Variants in MOB4 observed in about 807,000 individuals in gnomAD.
MOB4 encodes the protein MOB-like protein phocein.
In MOB4, 4 loss-of-function variants were observed where a neutral mutation model predicts 32.2. That is an observed-to-expected ratio of 0.12 (90% CI 0.06 to 0.28). The LOEUF (loss-of-function observed/expected upper bound fraction) is 0.28, where lower values mean the gene tolerates loss of function less well. Ranked by LOEUF, MOB4 falls within the 10% of genes least tolerant of loss-of-function variation. MOB4 has a pLI of 1.00. For missense variants in MOB4, 158 were observed against 271.2 expected (o/e 0.58, Z 2.93); for synonymous variants, 88 against 88.1 (o/e 1.00, Z 0.01).
rs1043558836 is a variant in MOB4, at chr2:197,535,571, C to G, written c.165C>G (p.Asp55Glu). 6.2e-6 allele frequency: 10 copies of G among 1,612,790 alleles called. No individual in the cohort carries two copies. The East Asian group carries it at 2.2e-4, about 36-fold the overall frequency. ...TAAGAGCAGATTGCTCCAATATTGACAAAATTCTTGAACCACCTGAAGGCC... is the reference window on the plus strand; with the variant it reads ...TAAGAGCAGATTGCTCCAATATTGAGAAAATTCTTGAACCACCTGAAGGCC... The part of the protein sequence containing the change: ...QNIRADCSNI[D>E]KILEPPEGQD... Residue 55 changes from aspartate (D) to glutamate (E), a missense_variant, in exon 3 of 8, where the codon GAC (aspartate) becomes GAG (glutamate). Physicochemically the swap from Asp to Glu is conservative, Grantham distance 45. Around this residue, in one of 6 missense-constraint regions of MOB4, gnomAD observed 25 missense variants for 70.9 expected, o/e 0.35. Coordinates refer to ENST00000323303, the MANE Select transcript of MOB4 (RefSeq NM_015387.5).
rs889056934 is a variant in MOB4, at chr2:197,522,520, G to A, written c.61-1104G>A. ...TATTTTTTGTATTTTTAGTAGAGAC[G>A]GGGTTTCATCATGTTGGCCAGGCTG... On this transcript the variant is annotated intron_variant, in intron 1 of 7. Transcript: ENST00000323303. Among the ~76,000 whole-genome samples the A allele has an allele frequency of 5.3e-5, 8 of 150,486 alleles. No individual in the cohort carries two copies. In the East Asian group the frequency reaches 9.8e-4, roughly 18 times the overall value.
At position 197,540,145 on chromosome 2, in the gene MOB4, A is replaced by G; in HGVS notation, c.259A>G (p.Lys87Glu). The change falls in exon 4 of 8, where the codon AAA (lysine) becomes GAA (glutamate). Residue 87 changes from lysine to glutamate, a missense_variant. This residue lies in a region of MOB4 where 21 missense variants were observed against 19.8 expected (regional missense o/e 1.06). Transcript: ENST00000323303. ...FCLELNGLAV[K>E]LQSECHPDTC... ...CCTTGAGCTAAATGGACTTGCTGTC[A>G]AACTTCAGGTAATATTTTCTTTAAG... 6.2e-7 allele frequency: 1 copy of G among 1,605,676 alleles called. No homozygotes were observed. Among genetic ancestry groups the G allele is most frequent in the Non-Finnish European group, 8.5e-7 (1 of 1,175,740 alleles).
At chr2:197,540,823 G>T (rs1341889141) in intron 5 of MOB4, among the ~76,000 whole-genome samples, 2 of 152,092 alleles carry the variant, frequency 1.3e-5, no homozygotes, top group South Asian at 2.1e-4. Context: ...TTACTTTTGA[G>T]CTTTTAAATA....
At chr2:197,535,690 G>T in intron 3 of MOB4, 60 bp downstream of exon 3, 1 of 1,536,998 alleles carries the variant, frequency 6.5e-7, no homozygotes, top group Non-Finnish European at 8.8e-7. Flanking sequence ...TCATATTAAT[G>T]ATAATTATGA....
intron 1 of MOB4, among the ~76,000 whole-genome samples, chr2:197,518,200 A>AG (rs1200286074): frequency 6.6e-6 from 1 of 152,140 alleles, no homozygotes; most frequent in Non-Finnish European, 1.5e-5. Flanking sequence ...CATTAAAAAA[A>AG]AAGTTGGTTA....
chr2:197,523,609 A>C lies in MOB4; in HGVS notation c.61-15A>C. Reference sequence around the variant, plus strand: ...GTATTTTGTATGTGCTTTAACCGTGAATTTATTTTTATAGGATTTCTATAA... The same window carrying C: ...GTATTTTGTATGTGCTTTAACCGTGCATTTATTTTTATAGGATTTCTATAA... On this transcript the variant is annotated splice_polypyrimidine_tract_variant and intron_variant, in intron 1 of 7. Coordinates refer to ENST00000323303, the MANE Select transcript of MOB4 (RefSeq NM_015387.5). The C allele has an allele frequency of 6.2e-7, 1 of 1,606,990 alleles. No individual in the cohort carries two copies. The highest frequency in any genetic ancestry group is 8.5e-7 in the Non-Finnish European group (1 of 1,177,868).
At chr2:197,545,099 G>T (rs1489468595) in intron 5 of MOB4, among the ~76,000 whole-genome samples, 2 of 152,122 alleles carry the variant, frequency 1.3e-5, no homozygotes, top group African/African-American at 4.8e-5. Flanking sequence ...ACTTGTACAT[G>T]AATATTCACA....
In MOB4 at chr2:197,535,772, A is replaced by G. The variant is rs1186693731; in HGVS notation, c.224+142A>G. Reference sequence around the variant, plus strand: ...AAGCTTTGGCATTTTCAGTGTCACAAGGTTCTCAGCTTTCTTCACTGGTTG... The same window carrying G: ...AAGCTTTGGCATTTTCAGTGTCACAGGGTTCTCAGCTTTCTTCACTGGTTG... On this transcript the variant is annotated intron_variant, in intron 3 of 7. Coordinates refer to ENST00000323303, the MANE Select transcript of MOB4 (RefSeq NM_015387.5). 5 of 866,366 alleles carry G rather than the reference A, an allele frequency of 5.8e-6. No homozygotes were observed. In the East Asian group the frequency reaches 8.4e-5, roughly 15 times the overall value. 53.7% of individuals were successfully genotyped at this position (866,366 alleles called of 1,614,324 possible).
At chr2:197,545,324 A>G (rs2086974990) in intron 5 of MOB4, among the ~76,000 whole-genome samples, 1 of 152,340 alleles carries the variant, frequency 6.6e-6, no homozygotes, top group Admixed American at 6.5e-5. Flanking sequence ...TATACTTTAA[A>G]TCATCTCTAG....
intron 3 of MOB4, among the ~76,000 whole-genome samples, chr2:197,538,701 T>TA (rs1405846132): frequency 6.6e-6 from 1 of 152,164 alleles, no homozygotes; most frequent in East Asian, 1.9e-4. Flanking sequence ...TGCCACAGAT[T>TA]ATACCCACAG....
chr2:197,552,272 A>G lies in MOB4; in HGVS notation c.*1626A>G, dbSNP rs1187971219. ...TGAAAGGAATGATGACTTTGAAATT[A>G]TGGATTTATATTAATGGCACTATAA... On this transcript the variant is annotated 3_prime_UTR_variant, in exon 8 of 8. Coordinates refer to ENST00000323303, the MANE Select transcript of MOB4 (RefSeq NM_015387.5). 6.6e-6 allele frequency: 1 copy of G among 152,346 alleles called. No homozygotes were observed. Among genetic ancestry groups the G allele is most frequent in the African/African-American group, 2.4e-5 (1 of 41,454 alleles). The allele number at this position is 152,346 out of a possible 1,614,324, so 9.4% of individuals were successfully genotyped here.
intron 1 of MOB4, among the ~76,000 whole-genome samples, chr2:197,520,289 C>G (rs1229691714): frequency 6.6e-6 from 1 of 151,800 alleles, no homozygotes; most frequent in African/African-American, 2.4e-5. Context: ...TTTGCGCCCA[C>G]CACCACGCCT....
intron 5 of MOB4, among the ~76,000 whole-genome samples, chr2:197,545,770 G>C (rs952441756): frequency 4.6e-5 from 7 of 152,112 alleles, no homozygotes; most frequent in Admixed American, 2.6e-4. Flanking sequence ...GCTTAGGGCT[G>C]GGGGAAGGAG....
chr2:197,548,258 G>T, intron 5 of MOB4, 78 bp from the exon 6 acceptor site: 1 of 1,279,426 alleles, frequency 7.8e-7, no homozygotes, highest in East Asian at 2.5e-5. Context: ...TTTGGAATAA[G>T]GTATACCCAT....
At chr2:197,545,892 A>C (rs1464370216) in intron 5 of MOB4, among the ~76,000 whole-genome samples, 1 of 152,220 alleles carries the variant, frequency 6.6e-6, no homozygotes, top group Non-Finnish European at 1.5e-5. Flanking sequence ...GAAACTACTG[A>C]ATTTTTAAGA....
chr2:197,533,746 A>AAAAT, intron 2 of MOB4: 1 of 334,666 alleles, frequency 3.0e-6, no homozygotes. Context: ...AAAAAAAAAA[A>AAAAT]GTATTTGATC....
rs925994661 is a variant in MOB4 at position 197,549,176 on chromosome 2, C to T, written c.434+761C>T. 4.0e-5 allele frequency among the ~76,000 whole-genome samples: 6 copies of T among 151,770 alleles called. No homozygotes were observed. The South Asian group carries it at 6.2e-4, about 16-fold the overall frequency. On this transcript the variant is annotated intron_variant, in intron 6 of 7. Transcript: ENST00000323303. ...CCAGGAGGCAGAGGTTGTGGTGAGCCGAGATCGCGCCATTGCACTCCGGCC... is the reference window on the plus strand; with the variant it reads ...CCAGGAGGCAGAGGTTGTGGTGAGCTGAGATCGCGCCATTGCACTCCGGCC...
At chr2:197,517,943 C>T (rs2086444292) in intron 1 of MOB4, among the ~76,000 whole-genome samples, 1 of 152,232 alleles carries the variant, frequency 6.6e-6, no homozygotes, top group African/African-American at 2.4e-5. Flanking sequence ...AGTTCAAGAC[C>T]AGCCTGGCCA....
At chr2:197,532,644 C>A (rs2086726066) in intron 2 of MOB4, among the ~76,000 whole-genome samples, 2 of 152,026 alleles carry the variant, frequency 1.3e-5, no homozygotes, top group African/African-American at 4.8e-5. Flanking sequence ...CGAGATAGCG[C>A]CACTGCACTC....
Sources: gnomAD v4.1 joint callset for allele counts (sites outside exome capture counted in the v4.1 genomes callset) on GRCh38, gnomAD v4.1.1 for gene constraint, gnomAD v4.1.1 regional missense constraint, MANE v1.5 for transcripts, NCBI Gene and HGNC (gene_info 2026-07-23, HGNC 2026-07-21) for gene names.